The following MMP16 variants were observed in gnomAD, a reference collection of about 807,000 sequenced individuals.
The protein encoded by MMP16 is matrix metallopeptidase 16, also known as matrix metalloproteinase-16.
A neutral mutation model predicts 67.8 loss-of-function variants in MMP16; 12 were observed. That is an observed-to-expected ratio of 0.18 (90% confidence interval 0.11 to 0.29). The LOEUF (loss-of-function observed/expected upper bound fraction) is 0.29, where lower values mean the gene tolerates loss of function less well. MMP16 is among the 10% of genes least tolerant of loss of function. The probability of loss-of-function intolerance (pLI) is 1.00; values close to 1 mark genes in which losing one functional copy is unlikely to be tolerated. For missense variants in MMP16, 475 were observed against 765.7 expected (o/e 0.62, Z 4.48); for synonymous variants, 249 against 255.9 (o/e 0.97, Z 0.26).
chr8:88,263,363 A>T (rs1810421294), intron 1 of MMP16, among the ~76,000 whole-genome samples: 1 of 152,170 alleles, frequency 6.6e-6, no homozygotes, highest in African/African-American at 2.4e-5. Flanking sequence ...CTGGCTGATT[A>T]CTTAGAGCAG....
At chr8:88,288,394 A>AT (rs1001845654) in intron 1 of MMP16, among the ~76,000 whole-genome samples, 2 of 152,052 alleles carry the variant, frequency 1.3e-5, no homozygotes, top group Non-Finnish European at 2.9e-5. Context: ...ACCAGGTGCT[A>AT]TATCAGATGA....
chr8:88,157,645 A>C (rs746353004), intron 4 of MMP16, among the ~76,000 whole-genome samples: 16 of 151,626 alleles, frequency 1.1e-4, no homozygotes, highest in Non-Finnish European at 1.5e-4. Context: ...AAGCCATAGG[A>C]ATTTCTGGTT....
intron 1 of MMP16, among the ~76,000 whole-genome samples, chr8:88,200,656 A>T (rs1586201861): frequency 6.6e-6 from 1 of 152,056 alleles, no homozygotes; most frequent in Non-Finnish European, 1.5e-5. Context: ...ACTAGATTAT[A>T]GTACAAATAA....
chr8:88,262,798 C>T (rs1810407270), intron 1 of MMP16, among the ~76,000 whole-genome samples: 1 of 132,416 alleles, frequency 7.6e-6, no homozygotes, highest in South Asian at 2.4e-4. Flanking sequence ...GTCAGGAGAT[C>T]GTAGCCATCC....
At chr8:88,240,829 T>C (rs1173635792) in intron 1 of MMP16, among the ~76,000 whole-genome samples, 1 of 152,188 alleles carries the variant, frequency 6.6e-6, no homozygotes, top group African/African-American at 2.4e-5. Flanking sequence ...TTTATAATTA[T>C]TAATCTTGCC....
At chr8:88,214,707 T>C (rs1809561698) in intron 1 of MMP16, among the ~76,000 whole-genome samples, 1 of 152,204 alleles carries the variant, frequency 6.6e-6, no homozygotes, top group Non-Finnish European at 1.5e-5. Context: ...ACTATAGTTA[T>C]CATGTTGTAT....
At chr8:88,200,663 A>G (rs989802073) in intron 1 of MMP16, among the ~76,000 whole-genome samples, 1 of 152,142 alleles carries the variant, frequency 6.6e-6, no homozygotes, top group East Asian at 1.9e-4. Flanking sequence ...TATAGTACAA[A>G]TAAGGACAGG....
intron 1 of MMP16, among the ~76,000 whole-genome samples, chr8:88,303,719 C>T (rs1010873463): frequency 5.9e-5 from 9 of 152,184 alleles, no homozygotes; most frequent in Non-Finnish European, 7.3e-5. Context: ...ACTGCAGCAG[C>T]GCTACAGAAA....
At chr8:88,295,624 A>C (rs895408293) in intron 1 of MMP16, among the ~76,000 whole-genome samples, 1 of 9,226 alleles carries the variant, frequency 1.1e-4, no homozygotes, top group Non-Finnish European at 2.0e-4. Flanking sequence ...GGCTGATTTC[A>C]TTAAAGAAAG....
rs866396925 is a variant in MMP16 at position 88,218,853 on chromosome 8, T to C, written c.133-21547A>G. ...TAAACTACAGAAAAAGACCCAATGG[T>C]AGTTCATTATTACAACATTTTAGAG... On this transcript the variant is annotated intron_variant, in intron 1 of 9. Coordinates refer to ENST00000286614, the MANE Select transcript of MMP16 (RefSeq NM_005941.5). Among the ~76,000 whole-genome samples the C allele has an allele frequency of 2.0e-5, 3 of 152,148 alleles. No homozygotes were observed. In the South Asian group the frequency reaches 6.2e-4, roughly 32 times the overall value.
intron 1 of MMP16, among the ~76,000 whole-genome samples, chr8:88,320,452 A>T (rs1811441458): frequency 6.6e-6 from 1 of 152,168 alleles, no homozygotes; most frequent in African/African-American, 2.4e-5. Context: ...CCTATTACAC[A>T]CCTAAAAATA....
intron 1 of MMP16, among the ~76,000 whole-genome samples, chr8:88,234,743 A>G (rs1026035163): frequency 1.3e-5 from 2 of 152,236 alleles, no homozygotes; most frequent in Non-Finnish European, 2.9e-5. Flanking sequence ...AGGGCAGTCA[A>G]AAAAGGTTAC....
chr8:88,086,993 C>T (rs1036082812), intron 6 of MMP16, among the ~76,000 whole-genome samples: 1 of 151,740 alleles, frequency 6.6e-6, no homozygotes, highest in African/African-American at 2.4e-5. Context: ...GAGAGATCAG[C>T]AAATCTTTTG....
chr8:88,180,203 C>T (rs953187272), intron 3 of MMP16, among the ~76,000 whole-genome samples: 8 of 151,906 alleles, frequency 5.3e-5, no homozygotes, highest in Non-Finnish European at 1.0e-4. Context: ...ATCGCTTGAA[C>T]CTGGGAGGCA....
At chr8:88,140,087 A>T (rs182484301) in intron 4 of MMP16, among the ~76,000 whole-genome samples, 1 of 152,252 alleles carries the variant, frequency 6.6e-6, no homozygotes, top group Admixed American at 6.5e-5. Flanking sequence ...AGAAATTGCA[A>T]TTTGATACGG....
At chr8:88,141,889 T>C (rs1808217475) in intron 4 of MMP16, among the ~76,000 whole-genome samples, 1 of 151,722 alleles carries the variant, frequency 6.6e-6, no homozygotes, top group Admixed American at 6.6e-5. Flanking sequence ...ATAGCTAGAG[T>C]GGTAAACTAA....
chr8:88,203,721 C>A (rs7815828), intron 1 of MMP16, among the ~76,000 whole-genome samples: 148,456 of 152,296 alleles, frequency 0.97, 72,472 homozygotes, highest in East Asian at 1. Context: ...GGAGTGACTA[C>A]GAAAATATTT....
At chr8:88,056,030 A>G in intron 8 of MMP16, 98 bp downstream of exon 8, 1 of 919,308 alleles carries the variant, frequency 1.1e-6, no homozygotes, top group Non-Finnish European at 1.5e-6. Context: ...TAAATCCACC[A>G]GGATTCTTCA....
chr8:88,288,463 T>A (rs1810868366), intron 1 of MMP16, among the ~76,000 whole-genome samples: 1 of 152,204 alleles, frequency 6.6e-6, no homozygotes, highest in Non-Finnish European at 1.5e-5. Flanking sequence ...GAGCCCTATT[T>A]AACCTCATAC....
Sources: gnomAD v4.1 joint callset for allele counts (sites outside exome capture counted in the v4.1 genomes callset) on GRCh38, gnomAD v4.1.1 for gene constraint, MANE v1.5 for transcripts, NCBI Gene and HGNC (gene_info 2026-07-23, HGNC 2026-07-21) for gene names.